The following XYLT1 variants were observed in gnomAD, a reference collection of about 807,000 sequenced individuals.
The protein encoded by XYLT1 is xylosyltransferase 1, also known as beta-D-xylosyltransferase 1.
XYLT1 carries 36 observed loss-of-function variants against 91.3 expected under a neutral mutation model. That is an observed-to-expected ratio of 0.39 (90% CI 0.30 to 0.52). The LOEUF is 0.52. XYLT1 is among the 20% of genes least tolerant of loss of function. XYLT1 has a pLI of 0.68. For missense variants in XYLT1, 1,242 were observed against 1,284.5 expected, an observed-to-expected ratio of 0.97 and a Z score of 0.51; for synonymous variants, 588 against 532.0, an observed-to-expected ratio of 1.11 and a Z score of -1.45.
chr16:17,409,260 G>A (rs1407618123), intron 1 of XYLT1, among the ~76,000 whole-genome samples: 1 of 152,142 alleles, frequency 6.6e-6, no homozygotes, highest in Non-Finnish European at 1.5e-5. Context: ...TTTGAGAGAG[G>A]CCGGCAGTTT....
At chr16:17,134,085 G>T (rs563236248) in intron 9 of XYLT1, among the ~76,000 whole-genome samples, 7 of 152,242 alleles carry the variant, frequency 4.6e-5, no homozygotes, top group African/African-American at 1.7e-4. Flanking sequence ...GCTGGGTGAC[G>T]GGAACATGGG....
At chr16:17,200,956 C>A (rs572030341) in intron 3 of XYLT1, among the ~76,000 whole-genome samples, 128 of 152,234 alleles carry the variant, frequency 8.4e-4, no homozygotes, top group Non-Finnish European at 1.4e-3. Context: ...GAGGTGAGAG[C>A]TATAAGAGAT....
chr16:17,211,665 A>AGGATAC (rs1158073416), intron 3 of XYLT1, among the ~76,000 whole-genome samples: 4 of 152,210 alleles, frequency 2.6e-5, no homozygotes, highest in African/African-American at 4.8e-5. Context: ...AGAAGAAATT[A>AGGATAC]GGATACGCAC....
At chr16:17,300,225 C>T (rs1201204750) in intron 2 of XYLT1, among the ~76,000 whole-genome samples, 1 of 152,080 alleles carries the variant, frequency 6.6e-6, no homozygotes, top group South Asian at 2.1e-4. Context: ...TGACAAAATG[C>T]TATCTTTTAA....
Position 17,293,674 on chromosome 16 carries a change from C to T in XYLT1, c.403-34176G>A, listed in dbSNP as rs149017011. ...AGCTAATTGTTTGTAATTTTGGTAG[C>T]GACAAGGTCTTACCACGTTGCCCAA... On this transcript the variant is annotated intron_variant, in intron 2 of 11. Coordinates refer to ENST00000261381, the MANE Select transcript of XYLT1 (RefSeq NM_022166.4). 1.8e-3 allele frequency among the ~76,000 whole-genome samples: 267 copies of T among 151,984 alleles called. 3 individuals are homozygous for T. The highest frequency in any genetic ancestry group is 6.0e-3 in the African/African-American group (248 of 41,466).
chr16:17,140,593 A>G (rs959005837), intron 7 of XYLT1, among the ~76,000 whole-genome samples: 12 of 136,812 alleles, frequency 8.8e-5, no homozygotes, highest in Non-Finnish European at 1.5e-4. Flanking sequence ...CTCTGGAGGT[A>G]GAGGTTGCAG....
intron 4 of XYLT1, 45 bp downstream of exon 4, chr16:17,200,437 A>T (rs756330897): frequency 5.6e-6 from 9 of 1,593,050 alleles, no homozygotes; most frequent in Non-Finnish European, 7.7e-6. Context: ...GGACGGACAG[A>T]CCCCGAAGAA....
At chr16:17,337,768 A>AATTTTTCTTTTTTTTTTTTTTTTT (rs1272127217) in intron 2 of XYLT1, among the ~76,000 whole-genome samples, 1 of 102,552 alleles carries the variant, frequency 9.8e-6, no homozygotes, top group Non-Finnish European at 2.0e-5. Flanking sequence ...TCTGTTCCAC[A>AATTTTTCTTTTTTTTTTTTTTTTT]TTTTTTCTTT....
intron 6 of XYLT1, among the ~76,000 whole-genome samples, chr16:17,157,097 A>T (rs925679324): frequency 6.6e-6 from 1 of 151,958 alleles, no homozygotes; most frequent in African/African-American, 2.4e-5. Context: ...ATAGGTGTGC[A>T]CCACCACACC....
At chr16:17,311,989 T>A (rs1247587384) in intron 2 of XYLT1, among the ~76,000 whole-genome samples, 2 of 152,038 alleles carry the variant, frequency 1.3e-5, no homozygotes, top group Non-Finnish European at 2.9e-5. Context: ...AGGGAGGGAA[T>A]TATAGGAGCT....
chr16:17,362,286 T>C (rs1181933672), intron 1 of XYLT1, among the ~76,000 whole-genome samples: 1 of 152,136 alleles, frequency 6.6e-6, no homozygotes, highest in African/African-American at 2.4e-5. Context: ...GTAGCGGACA[T>C]GGTTGATAGA....
intron 1 of XYLT1, among the ~76,000 whole-genome samples, chr16:17,376,515 C>T (rs554484412): frequency 3.3e-5 from 5 of 152,256 alleles, no homozygotes; most frequent in Non-Finnish European, 5.9e-5. Context: ...GATTTGGTGA[C>T]TTGTCTTTTC....
At chr16:17,324,456 A>G (rs1171731891) in intron 2 of XYLT1, among the ~76,000 whole-genome samples, 1 of 152,206 alleles carries the variant, frequency 6.6e-6, no homozygotes, top group Non-Finnish European at 1.5e-5. Context: ...AGGCCTTTGT[A>G]TGCCCAGTCT....
At chr16:17,337,492 A>T (rs2034998904) in intron 2 of XYLT1, among the ~76,000 whole-genome samples, 1 of 151,710 alleles carries the variant, frequency 6.6e-6, no homozygotes, top group Non-Finnish European at 1.5e-5. Context: ...GCCTCCTGAG[A>T]ACCTTTAATT....
At chr16:17,454,383 G>A (rs924287309) in intron 1 of XYLT1, among the ~76,000 whole-genome samples, 6 of 152,030 alleles carry the variant, frequency 3.9e-5, no homozygotes, top group Non-Finnish European at 8.8e-5. Context: ...AAACTTTTTG[G>A]TAACAGGCCA....
chr16:17,439,565 G>A (rs919123994), intron 1 of XYLT1, among the ~76,000 whole-genome samples: 2 of 152,198 alleles, frequency 1.3e-5, no homozygotes, highest in Admixed American at 6.5e-5. Flanking sequence ...AATGAAAAAT[G>A]AGTTGACACA....
intron 11 of XYLT1, among the ~76,000 whole-genome samples, chr16:17,115,504 G>A (rs1321035834): frequency 1.4e-5 from 2 of 146,406 alleles, no homozygotes; most frequent in Admixed American, 6.8e-5. Context: ...TTTTGAGACA[G>A]AACCTCGCTC....
intron 2 of XYLT1, among the ~76,000 whole-genome samples, chr16:17,279,614 G>A (rs899106242): frequency 6.6e-6 from 1 of 152,164 alleles, no homozygotes. Context: ...TGTCATTTTG[G>A]ATACACTGTG....
intron 1 of XYLT1, among the ~76,000 whole-genome samples, chr16:17,394,043 G>C (rs1179090535): frequency 1.3e-5 from 2 of 151,984 alleles, no homozygotes; most frequent in Admixed American, 1.3e-4. Context: ...CCAAAGTGCT[G>C]GCATTACAGG....
Sources: gnomAD v4.1 joint callset for allele counts (sites outside exome capture counted in the v4.1 genomes callset) on GRCh38, gnomAD v4.1.1 for gene constraint, MANE v1.5 for transcripts, NCBI Gene and HGNC (gene_info 2026-07-23, HGNC 2026-07-21) for gene names.